The following POLD2 variants were observed in gnomAD, a reference collection of about 807,000 sequenced individuals.
The protein encoded by POLD2 is DNA polymerase delta subunit 2.
A neutral mutation model predicts 48.8 loss-of-function variants in POLD2; 31 were observed. The observed-to-expected ratio is 0.64, with a 90% CI of 0.48 to 0.86. The LOEUF (loss-of-function observed/expected upper bound fraction) is 0.86, where lower values mean the gene tolerates loss of function less well. Among genes scored for constraint, POLD2 ranks in the 40% least tolerant of loss-of-function variants. POLD2 has a pLI of 0.00. For synonymous variants in POLD2, 233 were observed against 256.3 expected (o/e 0.91, Z 0.87); for missense variants, 455 against 610.1 (o/e 0.75, Z 2.68).
chr7:44,122,139 CCCTGTCCAT>C (rs775881491), intron 1 of POLD2, 30 bp from the exon 2 acceptor site: 1 of 1,522,536 alleles, frequency 6.6e-7, no homozygotes, highest in Non-Finnish European at 8.8e-7. Context: ...TTCCTGCTGC[CCCTGTCCAT>C]CCCCCAAAGC....
Position 44,114,802 on chromosome 7 carries a change from G to T in POLD2, c.1393C>A (p.Leu465Met), listed in dbSNP as rs190856557. 2.5e-6 allele frequency: 4 copies of T among 1,609,584 alleles called. No individual in the cohort carries two copies. In the African/African-American group the frequency reaches 5.3e-5, roughly 21 times the overall value. ...TTTTTGAGTCAGGGGCCCAGCCCCA[G>T]GCCTCCCAGGTCATCGTCCTCTGCC... The part of the protein sequence containing the change: ...FGAEDDDLGG[L>M]GLGP The change falls in exon 11 of 11, where the codon CTG becomes ATG. Residue 465 changes from leucine (L) to methionine (M), a missense_variant. Physicochemically the swap from Leu to Met is conservative, Grantham distance 15 (BLOSUM62 2). This residue lies in a region of POLD2 where 98 missense variants were observed against 138.6 expected (regional missense o/e 0.71). Transcript: ENST00000610533.
Position 44,116,748 on chromosome 7 carries a change from G to A in POLD2, c.780+69C>T, listed in dbSNP as rs957023060. ...CTCACAGGGTACCCTACTCGCCCTG[G>A]GGAAGGAGGGTCTTACAGGCTTGCA... On this transcript the variant is annotated intron_variant, in intron 6 of 10. Transcript: ENST00000610533. This position sits in a 1 kb window ranked among gnomAD's most constrained non-coding sequence, Gnocchi z 6.1. The A allele has an allele frequency of 4.5e-6, 7 of 1,545,108 alleles. No individual in the cohort carries two copies. The highest frequency in any genetic ancestry group is 1.4e-5 in the African/African-American group (1 of 73,620).
intron 2 of POLD2, 107 bp from the exon 3 acceptor site, chr7:44,118,171 G>C (rs201535019): frequency 7.5e-7 from 1 of 1,330,560 alleles, no homozygotes; most frequent in Non-Finnish European, 1.0e-6. Flanking sequence ...CAGGGCCCTG[G>C]CCTTGCCAGG....
At chr7:44,119,319 A>G (rs2096245190) in intron 2 of POLD2, among the ~76,000 whole-genome samples, 1 of 152,172 alleles carries the variant, frequency 6.6e-6, no homozygotes, top group South Asian at 2.1e-4. Context: ...GTGACAGGAC[A>G]ACGCGGATGC....
At chr7:44,124,142 A>G (rs907034069), upstream of POLD2, among the ~76,000 whole-genome samples, 1 of 152,152 alleles carries the variant, frequency 6.6e-6, no homozygotes, top group African/African-American at 2.4e-5. Flanking sequence ...TAGCTTGCCC[A>G]CAGCTGCACA....
In POLD2 at chr7:44,119,677, C is replaced by T. The variant is rs560013078; in HGVS notation, c.221-1613G>A. 6.2e-4 allele frequency among the ~76,000 whole-genome samples: 94 copies of T among 152,314 alleles called. 1 individual carries two copies. Among genetic ancestry groups the T allele is most frequent in the African/African-American group, 2.1e-3 (89 of 41,554 alleles). ...CAAGTGTATGCCCCTGAGCACTGGG[C>T]AGAATGACATCCCTGTAACCGATAG... On this transcript the variant is annotated intron_variant, in intron 2 of 10. Coordinates refer to ENST00000610533, the MANE Select transcript of POLD2 (RefSeq NM_006230.4).
chr7:44,116,113 A>C lies in POLD2; in HGVS notation c.1019+2T>G. On this transcript the variant is annotated splice_donor_variant, in intron 8 of 10. Coordinates refer to ENST00000610533, the MANE Select transcript of POLD2 (RefSeq NM_006230.4). LOFTEE classifies it high-confidence loss of function. The surrounding 1 kb of genome is among the most constrained non-coding windows in gnomAD (Gnocchi z 6.1). ...AGACTGAAGTGTGGCTGTGCCAGCT[A>C]CCTGACTCCATCAATGGTGGCCTGG... The C allele has an allele frequency of 6.2e-7, 1 of 1,613,364 alleles. No homozygotes were observed. Among genetic ancestry groups the C allele is most frequent in the South Asian group, 1.1e-5 (1 of 91,040 alleles).
chr7:44,123,472 C>A (rs1313148510), intron 1 of POLD2, 39 bp downstream of exon 1: 2 of 1,496,088 alleles, frequency 1.3e-6, no homozygotes, highest in Non-Finnish European at 1.8e-6. Flanking sequence ...CCTGGAACTG[C>A]CACCCCCAGC....
upstream of POLD2, chr7:44,123,785 T>C: frequency 1.7e-6 from 2 of 1,166,902 alleles, no homozygotes; most frequent in South Asian, 2.1e-5. Flanking sequence ...CGGCCGCGCG[T>C]GCAGGGGTTG....
chr7:44,114,997 C>T (rs1562691803), intron 10 of POLD2, 52 bp from the exon 11 acceptor site: 2 of 1,492,436 alleles, frequency 1.3e-6, no homozygotes, highest in African/African-American at 1.4e-5. Context: ...AGTCCTGCCT[C>T]AAAGAGAAGC....
At chr7:44,115,461 G>A in intron 9 of POLD2, 65 bp from the exon 10 acceptor site, 1 of 1,058,784 alleles carries the variant, frequency 9.4e-7, no homozygotes, top group Non-Finnish European at 1.5e-6. Context: ...CACAGGATGT[G>A]GGGCTGCAGC....
intron 8 of POLD2, 58 bp from the exon 9 acceptor site, chr7:44,115,951 C>T: frequency 1.2e-6 from 2 of 1,612,016 alleles, no homozygotes; most frequent in Non-Finnish European, 1.7e-6. Flanking sequence ...GTGGTCAGCC[C>T]AGAGCTCATC....
intron 1 of POLD2, 119 bp downstream of exon 1, chr7:44,123,392 G>A (rs2096250984): frequency 1.4e-6 from 2 of 1,425,108 alleles, no homozygotes; most frequent in Non-Finnish European, 1.8e-6. Flanking sequence ...GCCCCGGCTC[G>A]GATCCACGCG....
chr7:44,115,784 T>C lies in POLD2; in HGVS notation c.1129A>G (p.Thr377Ala). ...CTGTTACCTAGAGTGTCAGGGGCTGTGGGGCTGATGTGACGGACCCGCAGG... is the reference window on the plus strand; with the variant it reads ...CTGTTACCTAGAGTGTCAGGGGCTGCGGGGCTGATGTGACGGACCCGCAGG... ...WTLRVRHISPTAPDTLGCYPF... is the reference protein window; with the variant it reads ...WTLRVRHISPAAPDTLGCYPF... Residue 377 changes from threonine (T) to alanine (A), a missense_variant, in exon 9 of 11, where the codon ACA becomes GCA. Around this residue, in one of 3 missense-constraint regions of POLD2, gnomAD observed 98 missense variants for 138.6 expected, o/e 0.71. Coordinates refer to ENST00000610533, the MANE Select transcript of POLD2 (RefSeq NM_006230.4). 3 of 1,613,812 alleles carry C rather than the reference T, an allele frequency of 1.9e-6. No individual in the cohort carries two copies. The highest frequency in any genetic ancestry group is 2.5e-6 in the Non-Finnish European group (3 of 1,179,950).
chr7:44,123,313 C>T, intron 1 of POLD2, 198 bp downstream of exon 1: 1 of 1,365,470 alleles, frequency 7.3e-7, no homozygotes. Flanking sequence ...TTGATGGCGG[C>T]AGCAGCCAGG....
In POLD2 at chr7:44,117,776, G is replaced by A. The variant is rs557587740; in HGVS notation, c.343-34C>T. 2.8e-5 allele frequency: 45 copies of A among 1,613,390 alleles called. No homozygotes were observed. In the South Asian group the frequency reaches 4.0e-4, roughly 14 times the overall value. On this transcript the variant is annotated intron_variant, in intron 3 of 10. Coordinates refer to ENST00000610533, the MANE Select transcript of POLD2 (RefSeq NM_006230.4). ...CAGAGACAGGAGGTATAATCTTGGGGCCAGAGCCCACCAAAGCTCTGGTGT... is the reference window on the plus strand; with the variant it reads ...CAGAGACAGGAGGTATAATCTTGGGACCAGAGCCCACCAAAGCTCTGGTGT...
chr7:44,118,613 C>T (rs2979424), intron 2 of POLD2, among the ~76,000 whole-genome samples: 90,400 of 151,738 alleles, frequency 0.6, 27,747 homozygotes, highest in African/African-American at 0.75. Context: ...CCCGGGTTCA[C>T]GCCATTCTCC....
chr7:44,124,306 TCACCCCATCAAGAGA>T (rs1479276450), upstream of POLD2: 6 of 149,784 alleles, frequency 4.0e-5, no homozygotes, highest in Admixed American at 1.3e-4. Context: ...ATAGAATTCC[TCACCCCATCAAGAGA>T]CGCTTCCCCA....
At chr7:44,123,453 G>T in intron 1 of POLD2, 58 bp downstream of exon 1, 1 of 1,492,622 alleles carries the variant, frequency 6.7e-7, no homozygotes, top group South Asian at 1.2e-5. Flanking sequence ...CAGGAGCCCG[G>T]CCTCGCGGCC....
Sources: allele counts gnomAD v4.1 joint callset (sites outside exome capture counted in the v4.1 genomes callset), GRCh38; gene constraint gnomAD v4.1.1; regional missense constraint gnomAD v4.1.1; non-coding constraint Gnocchi (gnomAD v3.1); transcripts MANE v1.5; gene names NCBI Gene and HGNC (gene_info 2026-07-23, HGNC 2026-07-21).